SLC4A4: variants seen among roughly 807,000 people sequenced by gnomAD.
SLC4A4 encodes electrogenic sodium bicarbonate cotransporter 1.
A neutral mutation model predicts 111.5 loss-of-function variants in SLC4A4; 27 were observed. The ratio of observed to expected loss-of-function variants is 0.24; its 90% CI spans 0.18 to 0.33. The LOEUF is 0.33. Among genes scored for constraint, SLC4A4 ranks in the 10% least tolerant of loss-of-function variants. The pLI, the probability that SLC4A4 is intolerant of heterozygous loss-of-function variation, is 1.00. For synonymous variants in SLC4A4, 443 were observed against 463.4 expected (o/e 0.96, Z 0.57); for missense variants, 909 against 1,315.5 (o/e 0.69, Z 4.78).
intron 1 of SLC4A4, among the ~76,000 whole-genome samples, chr4:71,220,839 A>G (rs1054443942): frequency 1.3e-5 from 2 of 152,062 alleles, no homozygotes; most frequent in African/African-American, 4.8e-5. Flanking sequence ...AGTACCCAAT[A>G]GTTGTCTTTT....
chr4:71,169,274 T>TC, intron 2 of SLC4A4, among the ~76,000 whole-genome samples: 1 of 152,018 alleles, frequency 6.6e-6, no homozygotes, highest in South Asian at 2.1e-4. Context: ...CCTTGGCCTC[T>TC]CAAAGTGTTG....
At chr4:71,218,033 A>G (rs994763875) in intron 1 of SLC4A4, among the ~76,000 whole-genome samples, 2 of 152,202 alleles carry the variant, frequency 1.3e-5, no homozygotes, top group Admixed American at 6.5e-5. Flanking sequence ...TTTTCTTCTG[A>G]TATTTACAAG....
chr4:71,351,394 C>T (rs886067992), intron 5 of SLC4A4, among the ~76,000 whole-genome samples: 3 of 152,184 alleles, frequency 2.0e-5, no homozygotes, highest in Non-Finnish European at 4.4e-5. Context: ...TCCAGAGAAA[C>T]TCAGTGCAAG....
chr4:71,063,118 T>C (rs2148926788), intron 1 of SLC4A4, among the ~76,000 whole-genome samples: 1 of 152,264 alleles, frequency 6.6e-6, no homozygotes, highest in Middle Eastern at 3.4e-3. Context: ...TGCACTAAGT[T>C]AGATGAATTT....
intron 1 of SLC4A4, among the ~76,000 whole-genome samples, chr4:71,222,577 T>C (rs1718812603): frequency 6.6e-6 from 1 of 152,200 alleles, no homozygotes; most frequent in South Asian, 2.1e-4. Context: ...ATAAATTGAA[T>C]AAATGAATGA....
intron 2 of SLC4A4, among the ~76,000 whole-genome samples, chr4:71,107,617 G>A (rs7688856): frequency 0.88 from 133,230 of 152,076 alleles, 60,044 homozygotes; most frequent in South Asian, 0.98. Flanking sequence ...TCAAAGTGCC[G>A]GGATTATAGA....
rs115666637 is a variant in SLC4A4, at chr4:71,478,305, A to G, written c.1903+5335A>G. Among the ~76,000 whole-genome samples the G allele has an allele frequency of 5.6e-3, 852 of 152,034 alleles. 6 individuals are homozygous for G. Among genetic ancestry groups the G allele is most frequent in the African/African-American group, 0.02 (812 of 41,524 alleles). The stretch of plus-strand genomic sequence containing the variant: ...TAAATCGTTCTGTAAGGACACATGC[A>G]TAAGTGTCTTTATTGCAGCAATATT... On this transcript the variant is annotated intron_variant, in intron 14 of 25. Transcript: ENST00000264485.
chr4:71,473,160 A>G (rs775946937), intron 14 of SLC4A4, 190 bp downstream of exon 14: 1 of 715,994 alleles, frequency 1.4e-6, no homozygotes, highest in Non-Finnish European at 2.5e-6. Flanking sequence ...TCAACCAGGA[A>G]GGAGACCAGG....
At chr4:71,345,169 G>T (rs989283171) in intron 4 of SLC4A4, among the ~76,000 whole-genome samples, 6 of 152,092 alleles carry the variant, frequency 3.9e-5, no homozygotes, top group Non-Finnish European at 4.4e-5. Flanking sequence ...AAATCGTTTG[G>T]AATTGGTGAA....
intron 18 of SLC4A4, among the ~76,000 whole-genome samples, chr4:71,543,814 A>G (rs1397006514): frequency 6.6e-6 from 1 of 152,054 alleles, no homozygotes; most frequent in Non-Finnish European, 1.5e-5. Context: ...AGGGCATAAA[A>G]ATTCTGTGAT....
chr4:71,246,705 T>C (rs1167658860), intron 2 of SLC4A4, among the ~76,000 whole-genome samples: 1 of 151,732 alleles, frequency 6.6e-6, no homozygotes, highest in East Asian at 1.9e-4. Context: ...TTCTCAATAA[T>C]TACTAACTTG....
At chr4:71,102,054 A>C (rs1742755006) in intron 2 of SLC4A4, among the ~76,000 whole-genome samples, 1 of 151,696 alleles carries the variant, frequency 6.6e-6, no homozygotes, top group Non-Finnish European at 1.5e-5. Context: ...AACTAGAATA[A>C]CCAATACAGA....
intron 16 of SLC4A4, among the ~76,000 whole-genome samples, chr4:71,504,793 A>G (rs1731251694): frequency 6.6e-6 from 1 of 152,006 alleles, no homozygotes; most frequent in African/African-American, 2.4e-5. Flanking sequence ...AATTTGTGCC[A>G]TGGTGGTTTG....
intron 6 of SLC4A4, among the ~76,000 whole-genome samples, chr4:71,369,074 C>T (rs1731605217): frequency 6.6e-6 from 1 of 152,128 alleles, no homozygotes; most frequent in South Asian, 2.1e-4. Context: ...CAGTGCCCTG[C>T]CTAGCAACCC....
intron 3 of SLC4A4, among the ~76,000 whole-genome samples, chr4:71,268,086 T>TTTTTG (rs1722433290): frequency 6.8e-6 from 1 of 147,558 alleles, no homozygotes; most frequent in South Asian, 2.2e-4. Flanking sequence ...TTTTTTTTTT[T>TTTTTG]TTTTTTTTTT....
chr4:71,536,465 C>CATATATATATATATATATATATATATAT (rs869091643), intron 18 of SLC4A4, among the ~76,000 whole-genome samples: 3 of 40,698 alleles, frequency 7.4e-5, no homozygotes, highest in African/African-American at 1.6e-4. Context: ...TACATATATA[C>CATATATATATATATATATATATATATAT]ATATATATAT....
intron 7 of SLC4A4, among the ~76,000 whole-genome samples, chr4:71,405,448 A>G (rs1720754682): frequency 6.6e-6 from 1 of 152,136 alleles, no homozygotes; most frequent in Non-Finnish European, 1.5e-5. Flanking sequence ...AAGGCTATAT[A>G]GTATATATGA....
intron 3 of SLC4A4, among the ~76,000 whole-genome samples, chr4:71,259,601 T>C (rs1319289798): frequency 6.6e-6 from 1 of 152,044 alleles, no homozygotes; most frequent in Admixed American, 6.5e-5. Flanking sequence ...GATTGTGCTC[T>C]TTCTTAAAAA....
At chr4:71,344,152 G>C (rs188833756) in intron 4 of SLC4A4, among the ~76,000 whole-genome samples, 24 of 152,160 alleles carry the variant, frequency 1.6e-4, no homozygotes, top group Non-Finnish European at 2.8e-4. Flanking sequence ...ATTTTCAGTT[G>C]TTTTGCCACT....
Sources: allele counts gnomAD v4.1 joint callset (sites outside exome capture counted in the v4.1 genomes callset), GRCh38; gene constraint gnomAD v4.1.1; transcripts MANE v1.5; gene names NCBI Gene and HGNC (gene_info 2026-07-23, HGNC 2026-07-21).